The following FANCC variants were observed in gnomAD, a reference collection of about 807,000 sequenced individuals.
FANCC encodes the protein FA complementation group C.
FANCC carries 55 observed loss-of-function variants against 71.3 expected under a neutral mutation model. That is an observed-to-expected ratio of 0.77 (90% CI 0.62 to 0.97). The LOEUF is 0.97. Among genes scored for constraint, FANCC ranks in the 50% least tolerant of loss-of-function variants. The probability of loss-of-function intolerance (pLI) is 0.00; values close to 1 mark genes in which losing one functional copy is unlikely to be tolerated. For synonymous variants in FANCC, 275 were observed against 244.9 expected (o/e 1.12, Z -1.15); for missense variants, 678 against 670.9 (o/e 1.01, Z -0.12).
chr9:95,188,425 C>G (rs1826868280), intron 4 of FANCC, among the ~76,000 whole-genome samples: 1 of 152,184 alleles, frequency 6.6e-6, no homozygotes, highest in South Asian at 2.1e-4. Flanking sequence ...CACACCCCAG[C>G]ACCATCATTG....
intron 10 of FANCC, among the ~76,000 whole-genome samples, chr9:95,124,817 C>A (rs934685373): frequency 6.6e-6 from 1 of 152,178 alleles, no homozygotes; most frequent in South Asian, 2.1e-4. Context: ...CAAGAAGAGC[C>A]GTCCTCCAGG....
Position 95,099,942 on chromosome 9 carries a change from G to C in FANCC, c.*1765C>G, listed in dbSNP as rs898668047. ...GCCAACCCTGTACACAGGACCACAG[G>C]ACAGGGTGGAGGACTGTCCCAGGAG... On this transcript the variant is annotated 3_prime_UTR_variant, in exon 15 of 15. Coordinates refer to ENST00000289081, the MANE Select transcript of FANCC (RefSeq NM_000136.3). The C allele has an allele frequency of 3.4e-5, 8 of 232,530 alleles. No individual in the cohort carries two copies. Among genetic ancestry groups the C allele is most frequent in the African/African-American group, 1.8e-4 (8 of 45,276 alleles). 14.4% of individuals were successfully genotyped at this position (232,530 alleles called of 1,614,324 possible). A position where few individuals can be genotyped will look rare whatever the true frequency, so the allele number is the denominator to read the frequency against.
chr9:95,137,500 T>C (rs1016558136), intron 7 of FANCC, among the ~76,000 whole-genome samples: 2 of 152,066 alleles, frequency 1.3e-5, no homozygotes, highest in African/African-American at 4.8e-5. Context: ...CTCCCACACC[T>C]GGCAAAGCCC....
intron 1 of FANCC, among the ~76,000 whole-genome samples, chr9:95,273,247 GTAGT>G (rs1400332836): frequency 1.3e-5 from 2 of 152,196 alleles, no homozygotes; most frequent in African/African-American, 4.8e-5. Flanking sequence ...ACCCCAACAT[GTAGT>G]TATTTTGTAC....
intron 1 of FANCC, among the ~76,000 whole-genome samples, chr9:95,283,560 T>A (rs1833495404): frequency 6.6e-6 from 1 of 152,228 alleles, no homozygotes; most frequent in African/African-American, 2.4e-5. Flanking sequence ...AAACACTTTC[T>A]TTCTCAAAGA....
At chr9:95,161,871 T>C (rs1185611378) in intron 6 of FANCC, among the ~76,000 whole-genome samples, 1 of 150,460 alleles carries the variant, frequency 6.6e-6, no homozygotes, top group African/African-American at 2.4e-5. Context: ...AGACATAATC[T>C]TGCTCTGTCA....
intron 6 of FANCC, among the ~76,000 whole-genome samples, chr9:95,156,365 C>T (rs988167992): frequency 5.9e-5 from 9 of 152,122 alleles, no homozygotes; most frequent in Admixed American, 2.6e-4. Context: ...GCAGAGTGCT[C>T]CCTGTAAACC....
chr9:95,181,159 T>TTGTGTGTGTGTG (rs10692344), intron 4 of FANCC, among the ~76,000 whole-genome samples: 1 of 148,344 alleles, frequency 6.7e-6, no homozygotes, highest in East Asian at 2.0e-4. Context: ...CACGTACACA[T>TTGTGTGTGTGTG]TGTGTGTGTG....
At chr9:95,272,866 T>G (rs1406293912) in intron 1 of FANCC, among the ~76,000 whole-genome samples, 2 of 152,242 alleles carry the variant, frequency 1.3e-5, no homozygotes, top group East Asian at 3.8e-4. Flanking sequence ...CTTCACACTC[T>G]TTATTCACAC....
At chr9:95,160,702 C>A (rs1310168770) in intron 6 of FANCC, among the ~76,000 whole-genome samples, 2 of 152,022 alleles carry the variant, frequency 1.3e-5, no homozygotes, top group Admixed American at 1.3e-4. Context: ...CTTTTATTTC[C>A]TTGAGCAGTG....
intron 1 of FANCC, among the ~76,000 whole-genome samples, chr9:95,286,137 C>T (rs1264535622): frequency 6.6e-6 from 1 of 152,156 alleles, no homozygotes; most frequent in Non-Finnish European, 1.5e-5. Flanking sequence ...ACATATACAA[C>T]CAAAAACTGG....
intron 4 of FANCC, among the ~76,000 whole-genome samples, chr9:95,192,586 T>G (rs1188629079): frequency 6.6e-6 from 1 of 152,222 alleles, no homozygotes; most frequent in African/African-American, 2.4e-5. Context: ...AATATGTTAT[T>G]AAATATAACG....
chr9:95,127,362 C>T (rs1826154096), intron 8 of FANCC: 1 of 152,250 alleles, frequency 6.6e-6, no homozygotes, highest in Admixed American at 6.5e-5. Flanking sequence ...GGGTCCGTAA[C>T]TTTCTCGGCA....
At chr9:95,185,897 G>T (rs960746806) in intron 4 of FANCC, among the ~76,000 whole-genome samples, 1 of 152,180 alleles carries the variant, frequency 6.6e-6, no homozygotes, top group Non-Finnish European at 1.5e-5. Context: ...CACACTTTGA[G>T]ATGTATAAAA....
At chr9:95,265,974 C>T (rs1045266936) in intron 1 of FANCC, among the ~76,000 whole-genome samples, 1 of 152,266 alleles carries the variant, frequency 6.6e-6, no homozygotes, top group East Asian at 1.9e-4. Context: ...GGCACCAGCC[C>T]GGCATGGAGG....
intron 1 of FANCC, among the ~76,000 whole-genome samples, chr9:95,259,036 A>C (rs992428935): frequency 5.9e-5 from 9 of 152,246 alleles, no homozygotes; most frequent in African/African-American, 2.2e-4. Context: ...CAGGGAAATA[A>C]GAGAGGACAC....
intron 1 of FANCC, among the ~76,000 whole-genome samples, chr9:95,254,525 G>A (rs540794346): frequency 3.9e-5 from 6 of 152,340 alleles, no homozygotes; most frequent in African/African-American, 1.2e-4. Context: ...GGACTGTGCC[G>A]TGAGGAATGG....
intron 1 of FANCC, among the ~76,000 whole-genome samples, chr9:95,283,413 G>C (rs534873677): frequency 6.6e-6 from 1 of 152,310 alleles, no homozygotes; most frequent in African/African-American, 2.4e-5. Flanking sequence ...TGCCATTTCT[G>C]CAACATTCAG....
At chr9:95,246,210 G>A (rs1349386626) in intron 3 of FANCC, among the ~76,000 whole-genome samples, 1 of 152,180 alleles carries the variant, frequency 6.6e-6, no homozygotes, top group Non-Finnish European at 1.5e-5. Flanking sequence ...TCAAGAACTT[G>A]AAGAAGTTTA....
Sources: allele counts gnomAD v4.1 joint callset (sites outside exome capture counted in the v4.1 genomes callset), GRCh38; gene constraint gnomAD v4.1.1; transcripts MANE v1.5; gene names NCBI Gene and HGNC (gene_info 2026-07-23, HGNC 2026-07-21).